The following TASP1 variants were observed in gnomAD, a reference collection of about 807,000 sequenced individuals.
The protein encoded by TASP1 is taspase 1.
In TASP1, 16 loss-of-function variants were observed where a neutral mutation model predicts 56.6. That is an observed-to-expected ratio of 0.28 (90% CI 0.19 to 0.43). The LOEUF is 0.43. TASP1 is among the 20% of genes least tolerant of loss of function. The pLI, the probability that TASP1 is intolerant of heterozygous loss-of-function variation, is 1.00. For synonymous variants in TASP1, 179 were observed against 184.2 expected (o/e 0.97, Z 0.23); for missense variants, 393 against 511.6 (o/e 0.77, Z 2.24).
the TASP1 span, among the ~76,000 whole-genome samples, chr20:13,121,543 C>T: frequency 6.6e-6 from 1 of 152,194 alleles, no homozygotes; most frequent in Non-Finnish European, 1.5e-5. Context: ...GGGTTTTGAA[C>T]TTCCAAATGG....
intron 10 of TASP1, among the ~76,000 whole-genome samples, chr20:13,517,838 T>C (rs1177799857): frequency 6.6e-6 from 1 of 152,118 alleles, no homozygotes; most frequent in Non-Finnish European, 1.5e-5. Context: ...TAATCAGATA[T>C]GAAGTGACCT....
At chr20:13,205,211 C>T in the TASP1 span, among the ~76,000 whole-genome samples, 1 of 152,276 alleles carries the variant, frequency 6.6e-6, no homozygotes, top group South Asian at 2.1e-4. Flanking sequence ...CCTCCACTCC[C>T]CTCTCACTGT....
Position 13,430,702 on chromosome 20 carries a change from T to C in TASP1, c.1096+4342A>G, listed in dbSNP as rs1289974007. Among the ~76,000 whole-genome samples the C allele has an allele frequency of 3.9e-5, 6 of 152,294 alleles. No homozygotes were observed. The East Asian group carries it at 1.2e-3, about 29-fold the overall frequency. On this transcript the variant is annotated intron_variant, in intron 12 of 13. Transcript: ENST00000337743. ...TGGCTCACAGTCAAGGGCAGGGAAA[T>C]TGAGTTCCACCTCTTGAAGGGAGGA...
the TASP1 span, chr20:13,300,502 A>C: frequency 6.6e-6 from 1 of 152,224 alleles, no homozygotes; most frequent in Non-Finnish European, 1.5e-5. Flanking sequence ...GTATTTATTG[A>C]GTCACGGATT....
the TASP1 span, among the ~76,000 whole-genome samples, chr20:13,372,212 A>T: frequency 2.0e-5 from 3 of 152,216 alleles, no homozygotes; most frequent in African/African-American, 7.2e-5. Flanking sequence ...ATCAGTGAAC[A>T]CTGAGTAAAG....
the TASP1 span, among the ~76,000 whole-genome samples, chr20:13,331,527 G>C: frequency 6.6e-6 from 1 of 152,134 alleles, no homozygotes; most frequent in Non-Finnish European, 1.5e-5. Context: ...TTCTGATAAA[G>C]AAAAGTCTCA....
At chr20:13,631,839 G>C (rs1291369022) in intron 1 of TASP1, among the ~76,000 whole-genome samples, 1 of 152,204 alleles carries the variant, frequency 6.6e-6, no homozygotes, top group African/African-American at 2.4e-5. Flanking sequence ...GCCAAGGCGG[G>C]TGGATCACAA....
chr20:13,373,316 T>C, the TASP1 span, among the ~76,000 whole-genome samples: 1 of 152,246 alleles, frequency 6.6e-6, no homozygotes, highest in South Asian at 2.1e-4. Context: ...ATATATATAC[T>C]GTCTTTCATA....
At chr20:13,517,436 T>C (rs2044582758) in intron 10 of TASP1, among the ~76,000 whole-genome samples, 1 of 152,122 alleles carries the variant, frequency 6.6e-6, no homozygotes, top group Admixed American at 6.6e-5. Flanking sequence ...CATAAAAATG[T>C]TCATTATAAA....
intron 10 of TASP1, among the ~76,000 whole-genome samples, chr20:13,521,547 C>T (rs2044755162): frequency 6.6e-6 from 1 of 151,538 alleles, no homozygotes; most frequent in Admixed American, 6.6e-5. Context: ...AAACCAAACA[C>T]CGCATGTTCT....
At chr20:13,131,695 G>T in the TASP1 span, among the ~76,000 whole-genome samples, 1 of 152,114 alleles carries the variant, frequency 6.6e-6, no homozygotes, top group East Asian at 1.9e-4. Context: ...CTCTCACCTG[G>T]ATTCCTGGAG....
At chr20:13,297,974 G>A in the TASP1 span, among the ~76,000 whole-genome samples, 1 of 152,136 alleles carries the variant, frequency 6.6e-6, no homozygotes, top group Non-Finnish European at 1.5e-5. Flanking sequence ...ACATGCCTAA[G>A]GTTAAGAGGC....
At chr20:13,430,897 A>G (rs1394115624) in intron 12 of TASP1, among the ~76,000 whole-genome samples, 1 of 152,200 alleles carries the variant, frequency 6.6e-6, no homozygotes, top group Admixed American at 6.5e-5. Flanking sequence ...AGCCCACTGG[A>G]GCTCTGATAA....
At chr20:13,554,970 C>A (rs1248292240) in intron 8 of TASP1, among the ~76,000 whole-genome samples, 1 of 152,174 alleles carries the variant, frequency 6.6e-6, no homozygotes, top group East Asian at 1.9e-4. Flanking sequence ...CCCTTCCTTT[C>A]ACCAAAGATT....
intron 10 of TASP1, among the ~76,000 whole-genome samples, chr20:13,514,323 G>A (rs912665492): frequency 8.5e-5 from 13 of 152,132 alleles, no homozygotes; most frequent in Non-Finnish European, 1.3e-4. Context: ...CTGGGATAGA[G>A]AGAGAGAAAT....
chr20:13,278,111 C>T, the TASP1 span, among the ~76,000 whole-genome samples: 1 of 152,146 alleles, frequency 6.6e-6, no homozygotes, highest in Non-Finnish European at 1.5e-5. Context: ...TTCATTTGCA[C>T]ATAACTCATC....
At chr20:13,408,588 G>A (rs779482051) in intron 13 of TASP1, among the ~76,000 whole-genome samples, 6 of 152,062 alleles carry the variant, frequency 3.9e-5, no homozygotes, top group Non-Finnish European at 7.4e-5. Flanking sequence ...ATTTCTTCCT[G>A]AAATGTCTGA....
chr20:13,181,439 G>A, the TASP1 span, among the ~76,000 whole-genome samples: 1 of 152,080 alleles, frequency 6.6e-6, no homozygotes, highest in Non-Finnish European at 1.5e-5. Context: ...GTGAGCCCAA[G>A]CAAGAAGACA....
the TASP1 span, among the ~76,000 whole-genome samples, chr20:13,278,641 T>C: frequency 6.6e-6 from 1 of 152,208 alleles, no homozygotes; most frequent in Non-Finnish European, 1.5e-5. Flanking sequence ...CAGTTTTCCT[T>C]GGTGGTAAAA....
Sources: allele counts gnomAD v4.1 joint callset (sites outside exome capture counted in the v4.1 genomes callset), GRCh38; gene constraint gnomAD v4.1.1; transcripts MANE v1.5; gene names NCBI Gene and HGNC (gene_info 2026-07-23, HGNC 2026-07-21).